The following UNC13C variants were observed in gnomAD, a reference collection of about 807,000 sequenced individuals.
UNC13C encodes unc-13 homolog C.
UNC13C carries 174 observed loss-of-function variants against 245.4 expected under a neutral mutation model. The observed-to-expected ratio is 0.71, with a 90% CI of 0.63 to 0.80. UNC13C has a LOEUF of 0.80. UNC13C is among the 30% of genes least tolerant of loss of function. The pLI is 0.00. For missense variants in UNC13C, 2,829 were observed against 2,602.9 expected, an observed-to-expected ratio of 1.09 and a Z score of -1.89; for synonymous variants, 992 against 895.1, an observed-to-expected ratio of 1.11 and a Z score of -1.93.
At chr15:54,309,475 G>A (rs2037812410) in intron 13 of UNC13C, among the ~76,000 whole-genome samples, 2 of 151,818 alleles carry the variant, frequency 1.3e-5, no homozygotes, top group Non-Finnish European at 2.9e-5. Context: ...TTTGTTGATT[G>A]TTTCCTTTAC....
chr15:54,561,120 C>T (rs1897282045), intron 29 of UNC13C, among the ~76,000 whole-genome samples: 2 of 151,940 alleles, frequency 1.3e-5, no homozygotes, highest in Admixed American at 1.3e-4. Flanking sequence ...AGGCTTTGTT[C>T]TCTGGCCTTT....
chr15:54,441,551 G>A (rs1379800974), intron 19 of UNC13C, among the ~76,000 whole-genome samples: 6 of 152,036 alleles, frequency 3.9e-5, no homozygotes, highest in Admixed American at 3.9e-4. Flanking sequence ...ATTGTTCTAT[G>A]TGTCTGTTTT....
At position 54,501,733 on chromosome 15, in the gene UNC13C, A is replaced by T. The variant is rs150821452; in HGVS notation, c.5301+755A>T. On this transcript the variant is annotated intron_variant, in intron 22 of 32. Transcript: ENST00000260323. The stretch of plus-strand genomic sequence containing the variant: ...ATTGAGTGGAGGGAAATCTGATGAG[A>T]GCCGAAATAGACAGAGGCTTCATGA... Among the ~76,000 whole-genome samples the T allele has an allele frequency of 4.5e-3, 692 of 152,254 alleles. 4 individuals are homozygous for T. The highest frequency in any genetic ancestry group is 0.015 in the African/African-American group (644 of 41,560).
chr15:54,495,929 G>A (rs1893930985), intron 20 of UNC13C, among the ~76,000 whole-genome samples: 1 of 151,930 alleles, frequency 6.6e-6, no homozygotes, highest in Admixed American at 6.6e-5. Flanking sequence ...TGGGGTATAG[G>A]GTGTTGGGGA....
intron 2 of UNC13C, among the ~76,000 whole-genome samples, chr15:54,097,551 C>G (rs915673282): frequency 4.6e-5 from 7 of 151,960 alleles, no homozygotes; most frequent in Admixed American, 3.9e-4. Context: ...AATCTGGGCC[C>G]CAAGTGAAAT....
At chr15:54,517,414 T>C (rs1170842361) in intron 24 of UNC13C, among the ~76,000 whole-genome samples, 2 of 152,084 alleles carry the variant, frequency 1.3e-5, no homozygotes, top group South Asian at 2.1e-4. Flanking sequence ...TGGGCAGAAA[T>C]TGGGGTACAA....
intron 1 of UNC13C, among the ~76,000 whole-genome samples, chr15:54,008,693 A>C (rs750221305): frequency 2.0e-5 from 3 of 152,104 alleles, no homozygotes; most frequent in African/African-American, 7.2e-5. Flanking sequence ...GAGCTATTTT[A>C]CTTTAAAAAA....
chr15:54,086,327 A>T (rs1193743123), intron 2 of UNC13C, among the ~76,000 whole-genome samples: 1 of 152,222 alleles, frequency 6.6e-6, no homozygotes, highest in Non-Finnish European at 1.5e-5. Context: ...AGATATGGGA[A>T]TACTATAGGA....
intron 30 of UNC13C, among the ~76,000 whole-genome samples, chr15:54,568,752 C>G (rs907845747): frequency 1.3e-5 from 2 of 152,030 alleles, no homozygotes; most frequent in African/African-American, 4.8e-5. Flanking sequence ...ATGAAAGATC[C>G]TTGGAAAAGG....
intron 17 of UNC13C, 78 bp from the exon 18 acceptor site, chr15:54,392,970 T>A: frequency 7.2e-7 from 1 of 1,379,330 alleles, no homozygotes; most frequent in Non-Finnish European, 9.5e-7. Flanking sequence ...TTCTTTGATC[T>A]TCTATTTGAC....
At chr15:54,586,937 A>G (rs1159834708) in intron 30 of UNC13C, among the ~76,000 whole-genome samples, 2 of 152,196 alleles carry the variant, frequency 1.3e-5, no homozygotes, top group East Asian at 1.9e-4. Context: ...ACTAAGCTGT[A>G]CAGACTGTTA....
At chr15:54,293,198 C>T (rs2037345989) in intron 10 of UNC13C, among the ~76,000 whole-genome samples, 1 of 151,594 alleles carries the variant, frequency 6.6e-6, no homozygotes, top group Non-Finnish European at 1.5e-5. Flanking sequence ...CTTGCAGATT[C>T]CTAAAGATTG....
In UNC13C at chr15:54,415,017, C is replaced by A; in HGVS notation, c.4883C>A (p.Ala1628Asp). 1 of 1,612,554 alleles carries A rather than the reference C, an allele frequency of 6.2e-7. No individual in the cohort carries two copies. The highest frequency in any genetic ancestry group is 1.7e-4 in the Middle Eastern group (1 of 6,054). ...GAGCTGAACATGGGAAAAATAAGTG[C>A]CGAAATTATGTGGACTCTTTTTGCT... ...PQELNMGKIS[A>D]EIMWTLFALD... is the part of the protein sequence containing the mutation. The change falls in exon 19 of 33, where the codon GCC becomes GAC. Residue 1628 changes from alanine to aspartate, a missense_variant. Physicochemically the swap from Ala to Asp is moderately radical, Grantham distance 126. Transcript: ENST00000260323.
At chr15:54,004,747 CTA>C (rs1387535010) in intron 1 of UNC13C, among the ~76,000 whole-genome samples, 1 of 152,144 alleles carries the variant, frequency 6.6e-6, no homozygotes, top group Non-Finnish European at 1.5e-5. Context: ...TTGCATCTCT[CTA>C]ATGATCAATG....
At chr15:53,925,309 C>T in the UNC13C span, among the ~76,000 whole-genome samples, 1 of 152,056 alleles carries the variant, frequency 6.6e-6, no homozygotes, top group Non-Finnish European at 1.5e-5. Flanking sequence ...AATTTAAATG[C>T]TATAGTCTAT....
At chr15:54,612,718 G>A (rs1246300963) in intron 30 of UNC13C, among the ~76,000 whole-genome samples, 6 of 152,030 alleles carry the variant, frequency 3.9e-5, no homozygotes, top group Admixed American at 1.3e-4. Flanking sequence ...TGTTGCAAAC[G>A]AAGTGGATAT....
intron 18 of UNC13C, among the ~76,000 whole-genome samples, chr15:54,401,348 A>C (rs2040179352): frequency 6.6e-6 from 1 of 152,144 alleles, no homozygotes; most frequent in Non-Finnish European, 1.5e-5. Context: ...CAGGAGTCTG[A>C]AAGTGGTTAA....
intron 2 of UNC13C, among the ~76,000 whole-genome samples, chr15:54,109,049 C>T (rs2141170737): frequency 1.3e-5 from 2 of 152,104 alleles, no homozygotes; most frequent in Non-Finnish European, 2.9e-5. Flanking sequence ...CACTACCTGC[C>T]CAAGGGGAAA....
chr15:53,987,394 A>G (rs1330208030), intron 1 of UNC13C, among the ~76,000 whole-genome samples: 3 of 152,024 alleles, frequency 2.0e-5, no homozygotes, highest in African/African-American at 7.2e-5. Flanking sequence ...CCAGAGGAAA[A>G]CAATTGGTTT....
Sources: allele counts gnomAD v4.1 joint callset (sites outside exome capture counted in the v4.1 genomes callset), GRCh38; gene constraint gnomAD v4.1.1; transcripts MANE v1.5; gene names NCBI Gene and HGNC (gene_info 2026-07-23, HGNC 2026-07-21).